The following GBP5 variants were observed in gnomAD, a reference collection of about 807,000 sequenced individuals.
The protein encoded by GBP5 is guanylate binding protein 5, also known as guanylate-binding protein 5.
In GBP5, 48 loss-of-function variants were observed where a neutral mutation model predicts 58.2. The ratio of observed to expected loss-of-function variants is 0.83; its 90% CI spans 0.65 to 1.05. The LOEUF (loss-of-function observed/expected upper bound fraction) is 1.05. Among genes scored for constraint, GBP5 ranks in the 50% least tolerant of loss-of-function variants. The pLI, the probability that GBP5 is intolerant of heterozygous loss-of-function variation, is 0.00. For synonymous variants in GBP5, 248 were observed against 251.8 expected (o/e 0.98, Z 0.14); for missense variants, 714 against 686.8 (o/e 1.04, Z -0.44).
intron 11 of GBP5, among the ~76,000 whole-genome samples, chr1:89,261,520 A>G (rs560883128): frequency 2.4e-4 from 36 of 152,184 alleles, no homozygotes; most frequent in Non-Finnish European, 4.3e-4. Context: ...CTTGTGTGAT[A>G]TTTGCATTGA....
In GBP5 at chr1:89,260,683, G is replaced by GA; in HGVS notation, c.*20dup. Reference sequence around the variant, plus strand: ...CATCAGTGACAAAGAGTAAAAAAAGGAAACTCCCATATTTAGCACTTTAGA... The same window carrying GA: ...CATCAGTGACAAAGAGTAAAAAAAGGAAAACTCCCATATTTAGCACTTTAGA... On this transcript the variant is annotated 3_prime_UTR_variant, in exon 12 of 12. Coordinates refer to ENST00000370459, the MANE Select transcript of GBP5 (RefSeq NM_052942.5). The GA allele has an allele frequency of 6.8e-7, 1 of 1,473,320 alleles. No homozygotes were observed. The highest frequency in any genetic ancestry group is 1.7e-4 in the Middle Eastern group (1 of 5,806). 91.3% of individuals were successfully genotyped at this position (1,473,320 alleles called of 1,614,324 possible).
chr1:89,266,922 T>C (rs759089259), intron 6 of GBP5, 35 bp downstream of exon 6: 1 of 1,485,266 alleles, frequency 6.7e-7, no homozygotes, highest in Non-Finnish European at 9.1e-7. Flanking sequence ...AGATTACTTT[T>C]TTAAAAATCT....
At position 89,269,536 on chromosome 1, in the gene GBP5, A is replaced by G; in HGVS notation, c.20T>C (p.Met7Thr). MALEIH[M>T]SDPMCLIENF... ...CTCGATGAGGCACATGGGGTCTGAC[A>G]TGTGGATCTCTAAAGCCATGTCTAG... The change falls in exon 3 of 12, where the codon ATG (methionine) becomes ACG (threonine). Residue 7 changes from methionine to threonine, a missense_variant. By Grantham distance (81) the Met-to-Thr change is moderately conservative (BLOSUM62 -1). Transcript: ENST00000370459. The G allele has an allele frequency of 6.2e-7, 1 of 1,613,694 alleles. No homozygotes were observed. Among genetic ancestry groups the G allele is most frequent in the Non-Finnish European group, 8.5e-7 (1 of 1,179,606 alleles).
Position 89,267,046 on chromosome 1 carries a change from G to C in GBP5, c.536C>G (p.Thr179Ser). 2 of 1,612,680 alleles carry C rather than the reference G, an allele frequency of 1.2e-6. No individual in the cohort carries two copies. The highest frequency in any genetic ancestry group is 1.7e-6 in the Non-Finnish European group (2 of 1,179,688). The change falls in exon 6 of 12, where the codon ACT becomes AGT. Residue 179 changes from threonine to serine, a missense_variant. Transcript: ENST00000370459. ...CAGGCCTAAGCAGAAATCTCTCAGA[G>C]TCCACACTAAGTCTGGGAAGAAGCT... ...SASFFPDLVW[T>S]LRDFCLGLEI...
At chr1:89,262,450 C>T (rs572033672) in intron 10 of GBP5, 49 bp from the exon 11 acceptor site, 1 of 1,497,692 alleles carries the variant, frequency 6.7e-7, no homozygotes, top group Non-Finnish European at 9.2e-7. Flanking sequence ...CCTCTTCCTT[C>T]TGCCTCCCAC....
chr1:89,271,478 C>T (rs1258717591), intron 1 of GBP5: 1 of 151,508 alleles, frequency 6.6e-6, no homozygotes, highest in Non-Finnish European at 1.5e-5. Flanking sequence ...GGAAAATGCC[C>T]AAAAAAAAAT....
intron 9 of GBP5, 101 bp downstream of exon 9, chr1:89,263,635 A>G: frequency 1.3e-6 from 1 of 745,660 alleles, no homozygotes; most frequent in Non-Finnish European, 2.3e-6. Flanking sequence ...AGAGACATAA[A>G]CCTCATCTGT....
At chr1:89,266,286 TAA>T (rs1650208708) in intron 7 of GBP5, 58 bp downstream of exon 7, 2 of 1,412,834 alleles carry the variant, frequency 1.4e-6, no homozygotes, top group Non-Finnish European at 2.0e-6. Flanking sequence ...GATAATCTTA[TAA>T]AAAGTGTCCC....
intron 11 of GBP5, among the ~76,000 whole-genome samples, chr1:89,261,152 T>C (rs1649993272): frequency 6.6e-6 from 1 of 152,206 alleles, no homozygotes. Context: ...GATATATTTC[T>C]AAGAGAAGAG....
intron 8 of GBP5, 79 bp downstream of exon 8, chr1:89,264,607 C>T: frequency 1.6e-6 from 2 of 1,275,624 alleles, no homozygotes; most frequent in East Asian, 2.3e-5. Context: ...TTTTTCTTAG[C>T]TAAGTCCTAT....
chr1:89,266,634 A>G (rs1470916197), intron 6 of GBP5, 46 bp from the exon 7 acceptor site: 1 of 1,487,112 alleles, frequency 6.7e-7, no homozygotes, highest in Admixed American at 1.9e-5. Flanking sequence ...CTTTGCACTC[A>G]TTTTCATTTA....
rs1649815861 is a variant in GBP5 at position 89,257,261 on chromosome 1, G to C, written c.*3443C>G. On this transcript the variant is annotated 3_prime_UTR_variant, in exon 12 of 12. Coordinates refer to ENST00000370459, the MANE Select transcript of GBP5 (RefSeq NM_052942.5). ...ACATCTTACATGGTGTCAGGCAAGA[G>C]AGCATGTGCAGGGGAATTGCCCTTT... 6.6e-6 allele frequency among the ~76,000 whole-genome samples: 1 copy of C among 152,172 alleles called. No homozygotes were observed. The highest frequency in any genetic ancestry group is 1.5e-5 in the Non-Finnish European group (1 of 68,032).
chr1:89,266,949 C>A lies in GBP5; in HGVS notation c.625+8G>T. 1 of 1,572,806 alleles carries A rather than the reference C, an allele frequency of 6.4e-7. No individual in the cohort carries two copies. The highest frequency in any genetic ancestry group is 8.6e-7 in the Non-Finnish European group (1 of 1,165,696). On this transcript the variant is annotated splice_region_variant and intron_variant, in intron 6 of 11. Transcript: ENST00000370459. ...TAAAAATCTTTCTAAAACTGAAGTC[C>A]CTGTTACCTTGCTTTGGCCTTAGGG...
rs552587881 is a variant in GBP5, at chr1:89,268,838, G to A, written c.209C>T (p.Thr70Met). Residue 70 changes from threonine (T) to methionine (M), a missense_variant, in exon 4 of 12, where the codon ACG (threonine) becomes ATG (methionine). Thr to Met is a moderately conservative substitution (Grantham distance 81). Transcript: ENST00000370459. ...GKNKGFSVAS[T>M]VQSHTKGIWI... ...AATTCCCTTGGTGTGAGACTGCACC[G>A]TAGATGCAACAGAGAAGCCTGTCAG... 4.6e-5 allele frequency: 75 copies of A among 1,613,796 alleles called. No individual in the cohort carries two copies. The Middle Eastern group carries it at 6.6e-4, about 14-fold the overall frequency.
At chr1:89,263,044 C>A in intron 9 of GBP5, 1 of 312,882 alleles carries the variant, frequency 3.2e-6, no homozygotes. Context: ...TCAGAGCATG[C>A]AAGTCCACTA....
Position 89,269,508 on chromosome 1 carries a change from G to T in GBP5, c.48C>A (p.Asn16Lys). ...HMSDPMCLIE[N>K]FNEQLKVNQE... ...GATTAACCTTCAGCTGCTCATTAAA[G>T]TTCTCGATGAGGCACATGGGGTCTG... Residue 16 changes from asparagine to lysine, a missense_variant, in exon 3 of 12, where the codon AAC (asparagine) becomes AAA (lysine). Asn to Lys is a moderately conservative substitution (Grantham distance 94). Transcript: ENST00000370459. The T allele has an allele frequency of 6.2e-7, 1 of 1,613,968 alleles. No homozygotes were observed. The highest frequency in any genetic ancestry group is 8.5e-7 in the Non-Finnish European group (1 of 1,179,892).
intron 7 of GBP5, among the ~76,000 whole-genome samples, chr1:89,265,499 C>G (rs563109764): frequency 3.3e-5 from 5 of 151,304 alleles, no homozygotes; most frequent in Admixed American, 3.3e-4. Flanking sequence ...GAGGCTGAGG[C>G]GGGCGGATCA....
In GBP5 at chr1:89,258,706, G is replaced by C. The variant is rs1259196826; in HGVS notation, c.*1998C>G. Among the ~76,000 whole-genome samples, 1 of 152,014 alleles carries C rather than the reference G, an allele frequency of 6.6e-6. No individual in the cohort carries two copies. Among genetic ancestry groups the C allele is most frequent in the Non-Finnish European group, 1.5e-5 (1 of 67,984 alleles). ...AAGCTCCTATCATATTACCTAAGTGGAAAATTCCTTATATGAGTAAGTACT... is the reference window on the plus strand; with the variant it reads ...AAGCTCCTATCATATTACCTAAGTGCAAAATTCCTTATATGAGTAAGTACT... On this transcript the variant is annotated 3_prime_UTR_variant, in exon 12 of 12. Transcript: ENST00000370459.
At chr1:89,267,261 C>T in intron 5 of GBP5, 108 bp from the exon 6 acceptor site, 1 of 1,046,366 alleles carries the variant, frequency 9.6e-7, no homozygotes, top group Non-Finnish European at 1.4e-6. Context: ...TTAACCAAAT[C>T]ATCATTTTAT....
Sources: gnomAD v4.1 joint callset for allele counts (sites outside exome capture counted in the v4.1 genomes callset) on GRCh38, gnomAD v4.1.1 for gene constraint, MANE v1.5 for transcripts, NCBI Gene and HGNC (gene_info 2026-07-23, HGNC 2026-07-21) for gene names.